Variants in UNC5D observed in about 807,000 individuals in gnomAD.
UNC5D encodes the protein unc-5 netrin receptor D, also known as netrin receptor UNC5D.
A neutral mutation model predicts 105.4 loss-of-function variants in UNC5D; 39 were observed. That is an observed-to-expected ratio of 0.37 (90% CI 0.29 to 0.48). UNC5D has a LOEUF of 0.48. Among genes scored for constraint, UNC5D ranks in the 20% least tolerant of loss-of-function variants. UNC5D has a pLI of 0.98. For missense variants in UNC5D, 991 were observed against 1,202.4 expected, an observed-to-expected ratio of 0.82 and a Z score of 2.60; for synonymous variants, 452 against 450.4, an observed-to-expected ratio of 1.00 and a Z score of -0.04.
chr8:35,486,141 G>A (rs751821527), intron 1 of UNC5D, among the ~76,000 whole-genome samples: 4 of 152,166 alleles, frequency 2.6e-5, no homozygotes, highest in Non-Finnish European at 5.9e-5. Context: ...AATGAGGAGT[G>A]CTGCTGTTTT....
intron 4 of UNC5D, among the ~76,000 whole-genome samples, chr8:35,624,132 A>C (rs1821545499): frequency 6.6e-6 from 1 of 152,182 alleles, no homozygotes; most frequent in Non-Finnish European, 1.5e-5. Flanking sequence ...CTACAAAGCT[A>C]AAAAAGTCAT....
chr8:35,323,550 C>T (rs1809915795), intron 1 of UNC5D, among the ~76,000 whole-genome samples: 1 of 152,068 alleles, frequency 6.6e-6, no homozygotes, highest in Non-Finnish European at 1.5e-5. Context: ...GCTATTTGCA[C>T]CAAGCATTGT....
chr8:35,320,250 T>C (rs1809629449), intron 1 of UNC5D, among the ~76,000 whole-genome samples: 1 of 151,988 alleles, frequency 6.6e-6, no homozygotes, highest in Admixed American at 6.6e-5. Flanking sequence ...TTCAAAGATT[T>C]TTGGATGGGC....
intron 1 of UNC5D, among the ~76,000 whole-genome samples, chr8:35,529,342 A>G: frequency 7.7e-6 from 1 of 129,868 alleles, no homozygotes; most frequent in Admixed American, 7.9e-5. Flanking sequence ...CAGGTTTGTC[A>G]AAGATCAGAT....
chr8:35,280,448 A>G (rs1286030970), intron 1 of UNC5D, among the ~76,000 whole-genome samples: 1 of 152,180 alleles, frequency 6.6e-6, no homozygotes, highest in Admixed American at 6.5e-5. Context: ...ATCCAGAGTT[A>G]AGTTTACAAA....
At chr8:35,310,701 G>T (rs1419981429) in intron 1 of UNC5D, among the ~76,000 whole-genome samples, 31 of 152,214 alleles carry the variant, frequency 2.0e-4, no homozygotes, top group African/African-American at 7.0e-4. Context: ...ATTCTAGATA[G>T]TTTTTCTGTC....
chr8:35,437,161 C>T (rs1055335122), intron 1 of UNC5D, among the ~76,000 whole-genome samples: 50 of 152,018 alleles, frequency 3.3e-4, no homozygotes, highest in African/African-American at 1.0e-3. Context: ...TTCTAAGGGA[C>T]AAAGTATGCT....
chr8:35,359,956 T>C (rs1024414350), intron 1 of UNC5D, among the ~76,000 whole-genome samples: 2 of 152,326 alleles, frequency 1.3e-5, no homozygotes, highest in African/African-American at 4.8e-5. Flanking sequence ...GGCTCTCAGG[T>C]ATAGATGCTT....
chr8:35,753,095 C>A lies in UNC5D; in HGVS notation c.2163+2286C>A, dbSNP rs141967665. On this transcript the variant is annotated intron_variant, in intron 13 of 16. Transcript: ENST00000404895. The stretch of plus-strand genomic sequence containing the variant: ...ACCTCTACCATATTCTACCATGGCT[C>A]CACTGTTCACAGATGAATACAAATT... 1.1e-3 allele frequency among the ~76,000 whole-genome samples: 169 copies of A among 152,308 alleles called. 1 individual carries two copies. Among genetic ancestry groups the A allele is most frequent in the African/African-American group, 3.8e-3 (160 of 41,578 alleles).
chr8:35,348,955 CACAA>C (rs976272916), intron 1 of UNC5D, among the ~76,000 whole-genome samples: 14 of 151,800 alleles, frequency 9.2e-5, no homozygotes, highest in Non-Finnish European at 1.8e-4. Context: ...TATATGTTAA[CACAA>C]ACAGTGTATT....
intron 1 of UNC5D, among the ~76,000 whole-genome samples, chr8:35,450,878 T>A (rs538712240): frequency 6.6e-6 from 1 of 152,262 alleles, no homozygotes; most frequent in South Asian, 2.1e-4. Context: ...TTTTGTCCAA[T>A]GATAGGCTAA....
Position 35,750,638 on chromosome 8 carries a change from T to G in UNC5D, c.1992T>G (p.Phe664Leu). The change falls in exon 13 of 17, where the codon TTT becomes TTG. Residue 664 changes from phenylalanine to leucine, a missense_variant. Around this residue, in one of 3 missense-constraint regions of UNC5D, gnomAD observed 944 missense variants for 1,131.6 expected, o/e 0.83. Transcript: ENST00000404895. ...STSCYCLLDP[F>L]ACHVLLDSFG... The stretch of plus-strand genomic sequence containing the variant: ...CCTGTTACTGCCTTTTGGACCCCTT[T>G]GCGTGTCATGTGCTCCTGGACAGCT... The G allele has an allele frequency of 6.2e-7, 1 of 1,614,152 alleles. No homozygotes were observed. Among genetic ancestry groups the G allele is most frequent in the Non-Finnish European group, 8.5e-7 (1 of 1,180,030 alleles).
In UNC5D at chr8:35,684,591, G is replaced by T; in HGVS notation, c.761G>T (p.Gly254Val). 1 of 1,609,052 alleles carries T rather than the reference G, an allele frequency of 6.2e-7. No individual in the cohort carries two copies. Among genetic ancestry groups the T allele is most frequent in the Non-Finnish European group, 8.5e-7 (1 of 1,178,560 alleles). Residue 254 changes from glycine (G) to valine (V), a missense_variant, in exon 6 of 17, where the codon GGC becomes GTC. This residue lies in a region of UNC5D where 944 missense variants were observed against 1,131.6 expected (regional missense o/e 0.83). Coordinates refer to ENST00000404895, the MANE Select transcript of UNC5D (RefSeq NM_080872.4). ...SATVVVYVNG[G>V]WSSWTEWSAC... Reference sequence around the variant, plus strand: ...CATTTTTCTCTCTCAGTGAATGGAGGCTGGTCTTCCTGGACAGAGTGGTCA... The same window carrying T: ...CATTTTTCTCTCTCAGTGAATGGAGTCTGGTCTTCCTGGACAGAGTGGTCA...
chr8:35,593,452 A>G (rs983502033), intron 3 of UNC5D, among the ~76,000 whole-genome samples: 3 of 152,156 alleles, frequency 2.0e-5, no homozygotes, highest in African/African-American at 7.2e-5. Context: ...AAACAAAAAT[A>G]ACAAACAAAC....
chr8:35,422,713 C>A (rs527800487), intron 1 of UNC5D, among the ~76,000 whole-genome samples: 18 of 152,256 alleles, frequency 1.2e-4, no homozygotes, highest in Middle Eastern at 3.4e-3. Context: ...GGACTATTAT[C>A]GTTTATTGAA....
intron 1 of UNC5D, among the ~76,000 whole-genome samples, chr8:35,402,854 A>G (rs550378010): frequency 6.6e-6 from 1 of 152,282 alleles, no homozygotes; most frequent in South Asian, 2.1e-4. Context: ...GATGTACCTC[A>G]GATCATCCTG....
intron 1 of UNC5D, among the ~76,000 whole-genome samples, chr8:35,405,821 C>T (rs1804769889): frequency 6.6e-6 from 1 of 152,018 alleles, no homozygotes. Context: ...TTACATGTAA[C>T]AATTTCCTTT....
chr8:35,718,312 T>G (rs527509990), intron 8 of UNC5D, among the ~76,000 whole-genome samples: 1 of 152,314 alleles, frequency 6.6e-6, no homozygotes, highest in East Asian at 1.9e-4. Flanking sequence ...GACAGAATAG[T>G]CTGCTCAGTC....
intron 1 of UNC5D, among the ~76,000 whole-genome samples, chr8:35,430,127 G>A (rs983384502): frequency 1.3e-5 from 2 of 152,088 alleles, no homozygotes; most frequent in African/African-American, 4.8e-5. Flanking sequence ...AAAGAACATG[G>A]CTTGACTAGA....
Sources: gnomAD v4.1 joint callset for allele counts (sites outside exome capture counted in the v4.1 genomes callset) on GRCh38, gnomAD v4.1.1 for gene constraint, gnomAD v4.1.1 regional missense constraint, MANE v1.5 for transcripts, NCBI Gene and HGNC (gene_info 2026-07-23, HGNC 2026-07-21) for gene names.